Variants in PRUNE1 observed in about 807,000 individuals in gnomAD.
PRUNE1 encodes prune exopolyphosphatase 1.
PRUNE1 carries 25 observed loss-of-function variants against 42.5 expected under a neutral mutation model. The observed-to-expected ratio is 0.59, with a 90% CI of 0.43 to 0.82. PRUNE1 has a LOEUF of 0.82. Among genes scored for constraint, PRUNE1 ranks in the 40% least tolerant of loss-of-function variants. PRUNE1 has a pLI of 0.00. For missense variants in PRUNE1, 443 were observed against 539.3 expected (o/e 0.82, Z 1.77); for synonymous variants, 203 against 217.1 (o/e 0.93, Z 0.57).
At chr1:151,027,860 T>C (rs1571809001) in intron 6 of PRUNE1, among the ~76,000 whole-genome samples, 1 of 151,996 alleles carries the variant, frequency 6.6e-6, no homozygotes, top group East Asian at 1.9e-4. Flanking sequence ...CTCAAGCAGT[T>C]CTCCTTTTGG....
intron 1 of PRUNE1, among the ~76,000 whole-genome samples, chr1:151,017,485 G>A (rs925237165): frequency 2.0e-5 from 3 of 152,104 alleles, no homozygotes; most frequent in African/African-American, 7.2e-5. Flanking sequence ...AGGCACAGTG[G>A]CTCATACCTG....
Position 151,032,535 on chromosome 1 carries a change from G to A in PRUNE1, c.934-1271G>A, listed in dbSNP as rs148074878. On this transcript the variant is annotated intron_variant, in intron 7 of 7. Transcript: ENST00000271620. Reference sequence around the variant, plus strand: ...TCGAGACCAGCCTGGCTAACATGGTGTAACCCCGTCTCCACTAAAAATACA... The same window carrying A: ...TCGAGACCAGCCTGGCTAACATGGTATAACCCCGTCTCCACTAAAAATACA... Among the ~76,000 whole-genome samples, 659 of 152,114 alleles carry A rather than the reference G, an allele frequency of 4.3e-3. 3 individuals carry two copies. The highest frequency in any genetic ancestry group is 0.015 in the African/African-American group (633 of 41,534).
intron 3 of PRUNE1, among the ~76,000 whole-genome samples, chr1:151,020,945 T>G (rs1674386145): frequency 6.6e-6 from 1 of 150,512 alleles, no homozygotes; most frequent in Admixed American, 6.6e-5. Context: ...TCATGCCACT[T>G]GCACTCCAGC....
intron 7 of PRUNE1, among the ~76,000 whole-genome samples, chr1:151,029,571 G>T (rs1675108652): frequency 6.6e-6 from 1 of 151,498 alleles, no homozygotes; most frequent in Non-Finnish European, 1.5e-5. Flanking sequence ...GTTTCACCGT[G>T]TTAGCCAGGA....
At chr1:151,022,636 G>A (rs954170973) in intron 3 of PRUNE1, 32 of 147,522 alleles carry the variant, frequency 2.2e-4, no homozygotes, top group African/African-American at 7.0e-4. Context: ...AGCCAGGATG[G>A]TCTCGATCTG....
rs1382900613 is a variant in PRUNE1, at chr1:151,035,057, A to G, written c.*823A>G. 1 of 152,220 alleles carries G rather than the reference A, an allele frequency of 6.6e-6. No homozygotes were observed. Among genetic ancestry groups the G allele is most frequent in the Non-Finnish European group, 1.5e-5 (1 of 68,036 alleles). The allele number at this position is 152,220 out of a possible 1,614,324, so 9.4% of individuals were successfully genotyped here. A position where few individuals can be genotyped will look rare whatever the true frequency, so the allele number is the denominator to read the frequency against. On this transcript the variant is annotated 3_prime_UTR_variant, in exon 8 of 8. Transcript: ENST00000271620. ...TGTCTCCTGCCTTAGCAGGCCTATCAATTTCTTGTCAATCTCTTTTTTTCC... is the reference window on the plus strand; with the variant it reads ...TGTCTCCTGCCTTAGCAGGCCTATCGATTTCTTGTCAATCTCTTTTTTTCC...
rs1475063855 is a variant in PRUNE1, at chr1:151,008,668, G to A, written c.36G>A (p.Leu12=). The A allele has an allele frequency of 3.1e-6, 5 of 1,614,032 alleles. No individual in the cohort carries two copies. The Admixed American group carries it at 5.0e-5, about 16-fold the overall frequency. The change falls in exon 1 of 8, where the codon CTG becomes CTA. Residue 12 remains leucine (L), a synonymous_variant. Transcript: ENST00000271620. ...EDYLQGCRAA[L]QESRPLHVVL... ...ACCTGCAGGGTTGTCGAGCTGCTCT[G>A]CAGGTAACGAATCCCTGTCTGTGAC...
intron 3 of PRUNE1, among the ~76,000 whole-genome samples, chr1:151,019,236 T>C (rs945021422): frequency 3.3e-5 from 5 of 151,160 alleles, no homozygotes; most frequent in Middle Eastern, 3.2e-3. Context: ...TCAAAAATCA[T>C]TTAAATCTGC....
chr1:151,027,080 C>T (rs975404002), intron 5 of PRUNE1, among the ~76,000 whole-genome samples, 153 bp from the exon 6 acceptor site: 2 of 152,040 alleles, frequency 1.3e-5, no homozygotes, highest in African/African-American at 4.8e-5. Context: ...GTCACCGCGC[C>T]CGGCTATGAT....
intron 7 of PRUNE1, among the ~76,000 whole-genome samples, chr1:151,032,511 C>A (rs1258000114): frequency 1.3e-5 from 2 of 151,138 alleles, no homozygotes; most frequent in African/African-American, 4.9e-5. Context: ...GGCAGGAGTT[C>A]GAGACCAGCC....
At chr1:151,025,933 G>C (rs1421378778) in intron 5 of PRUNE1, among the ~76,000 whole-genome samples, 3 of 151,656 alleles carry the variant, frequency 2.0e-5, no homozygotes, top group Non-Finnish European at 4.4e-5. Context: ...TAAAGATCGG[G>C]TTTCACCATG....
At chr1:151,015,144 A>G (rs1398981611) in intron 1 of PRUNE1, among the ~76,000 whole-genome samples, 1 of 151,964 alleles carries the variant, frequency 6.6e-6, no homozygotes, top group Non-Finnish European at 1.5e-5. Context: ...CCTGGCCAAC[A>G]TGGTGAAACC....
intron 5 of PRUNE1, 113 bp downstream of exon 5, chr1:151,025,786 G>A: frequency 9.0e-7 from 1 of 1,113,766 alleles, no homozygotes; most frequent in Non-Finnish European, 1.3e-6. Flanking sequence ...TGCCACCCAG[G>A]CTAGAGTGCA....
intron 7 of PRUNE1, among the ~76,000 whole-genome samples, chr1:151,031,555 T>C (rs1558090495): frequency 6.6e-6 from 1 of 152,148 alleles, no homozygotes; most frequent in Non-Finnish European, 1.5e-5. Context: ...TAGTATAATA[T>C]ATTGATTTAG....
chr1:151,025,127 T>C (rs919404083), intron 4 of PRUNE1, among the ~76,000 whole-genome samples: 1 of 143,444 alleles, frequency 7.0e-6, no homozygotes, highest in Non-Finnish European at 1.5e-5. Context: ...AGCAAATCTC[T>C]TAACCTTTCT....
chr1:151,015,624 A>C, intron 1 of PRUNE1, among the ~76,000 whole-genome samples: 1 of 120,748 alleles, frequency 8.3e-6, no homozygotes, highest in Admixed American at 9.2e-5. Context: ...ACAGAGTGAG[A>C]CTCCATCTCA....
chr1:151,033,010 G>A (rs1675328467), intron 7 of PRUNE1, among the ~76,000 whole-genome samples: 1 of 152,058 alleles, frequency 6.6e-6, no homozygotes, highest in East Asian at 1.9e-4. Context: ...CTGACCTCAG[G>A]TGATCCGCCC....
At chr1:151,021,126 G>A (rs1353359008) in intron 3 of PRUNE1, among the ~76,000 whole-genome samples, 3 of 137,772 alleles carry the variant, frequency 2.2e-5, no homozygotes, top group Non-Finnish European at 3.1e-5. Flanking sequence ...CAGTCTGAGC[G>A]ACAGAGTGAT....
chr1:151,017,588 T>C (rs1394712500), intron 1 of PRUNE1, among the ~76,000 whole-genome samples: 1 of 151,836 alleles, frequency 6.6e-6, no homozygotes, highest in Non-Finnish European at 1.5e-5. Flanking sequence ...TACAAAAAAT[T>C]AGCTGGGCAT....
Sources: allele counts gnomAD v4.1 joint callset (sites outside exome capture counted in the v4.1 genomes callset), GRCh38; gene constraint gnomAD v4.1.1; transcripts MANE v1.5; gene names NCBI Gene and HGNC (gene_info 2026-07-23, HGNC 2026-07-21).